The following R3HDM1 variants were observed in gnomAD, a reference collection of about 807,000 sequenced individuals.
R3HDM1 encodes the protein R3H domain containing 1.
In R3HDM1, 46 loss-of-function variants were observed where a neutral mutation model predicts 141.1. That is an observed-to-expected ratio of 0.33 (90% CI 0.26 to 0.42). R3HDM1 has a LOEUF of 0.42. R3HDM1 is among the 10% of genes least tolerant of loss of function. The pLI is 1.00. For missense variants in R3HDM1, 1,184 were observed against 1,368.3 expected, an observed-to-expected ratio of 0.87 and a Z score of 2.12; for synonymous variants, 435 against 472.9, an observed-to-expected ratio of 0.92 and a Z score of 1.04.
At position 135,661,310 on chromosome 2, in the gene R3HDM1, G is replaced by A; in HGVS notation, c.2069G>A (p.Ser690Asn). Residue 690 changes from serine to asparagine, a missense_variant, in exon 19 of 27, where the codon AGC (serine) becomes AAC (asparagine). This residue lies in a region of R3HDM1 where 563 missense variants were observed against 562.0 expected (regional missense o/e 1.00). Coordinates refer to ENST00000683871, the MANE Select transcript of R3HDM1 (RefSeq NM_001378107.1). ...CYCAPGHYHSSQPQYRPVPSV... is the reference protein window; with the variant it reads ...CYCAPGHYHSNQPQYRPVPSV... ...TGCGCTCCAGGCCACTATCACTCCA[G>A]CCAACCTCAGTATCGCCCAGTCCCT... 1.2e-6 allele frequency: 2 copies of A among 1,613,952 alleles called. No homozygotes were observed. The highest frequency in any genetic ancestry group is 1.7e-6 in the Non-Finnish European group (2 of 1,179,868).
intron 1 of R3HDM1, among the ~76,000 whole-genome samples, chr2:135,589,426 G>T (rs1341168138): frequency 6.6e-6 from 1 of 152,152 alleles, no homozygotes; most frequent in Non-Finnish European, 1.5e-5. Flanking sequence ...CCCTCTGGTT[G>T]TAGGGGACAA....
chr2:135,675,138 T>G (rs907683291), intron 19 of R3HDM1, among the ~76,000 whole-genome samples, 194 bp from the exon 20 acceptor site: 5 of 152,204 alleles, frequency 3.3e-5, no homozygotes, highest in African/African-American at 1.2e-4. Context: ...GCAGATTTTA[T>G]TTCAATATAT....
rs2069013501 is a variant in R3HDM1 at position 135,675,463 on chromosome 2, T to C, written c.2284T>C (p.Tyr762His). The C allele has an allele frequency of 3.7e-6, 6 of 1,613,790 alleles. No individual in the cohort carries two copies. The East Asian group carries it at 1.1e-4, about 30-fold the overall frequency. The change falls in exon 20 of 27, where the codon TAT becomes CAT. Residue 762 changes from tyrosine to histidine, a missense_variant. Physicochemically the swap from Tyr to His is moderately conservative, Grantham distance 83. This residue lies in a region of R3HDM1 where 563 missense variants were observed against 562.0 expected (regional missense o/e 1.00). Coordinates refer to ENST00000683871, the MANE Select transcript of R3HDM1 (RefSeq NM_001378107.1). ...TCAGATTCAAGGAGTGGTCATCCCC[T>C]ATACTTCAGTGCCAACATATCAGGT... ...GNQIQGVVIP[Y>H]TSVPTYQVSL...
chr2:135,667,742 C>G (rs138257612), intron 19 of R3HDM1: 4 of 982,454 alleles, frequency 4.1e-6, no homozygotes, highest in African/African-American at 1.8e-5. Flanking sequence ...TAATCCTCAG[C>G]CTTCTCCCTC....
intron 1 of R3HDM1, among the ~76,000 whole-genome samples, chr2:135,535,906 G>T (rs928999181): frequency 2.0e-5 from 3 of 151,970 alleles, no homozygotes; most frequent in Admixed American, 1.3e-4. Context: ...CAGCAATTTG[G>T]TTTTTTTATA....
intron 1 of R3HDM1, among the ~76,000 whole-genome samples, chr2:135,574,667 T>C (rs1391958831): frequency 6.6e-6 from 1 of 152,230 alleles, no homozygotes; most frequent in Non-Finnish European, 1.5e-5. Context: ...GCTGGCTTAA[T>C]GTTAGGATAC....
At position 135,557,192 on chromosome 2, in the gene R3HDM1, A is replaced by G. The variant is rs143043757; in HGVS notation, c.-250+25559A>G. Among the ~76,000 whole-genome samples the G allele has an allele frequency of 3.0e-3, 451 of 152,284 alleles. 3 individuals carry two copies. The highest frequency in any genetic ancestry group is 0.01 in the African/African-American group (420 of 41,564). On this transcript the variant is annotated intron_variant, in intron 1 of 26. Coordinates refer to ENST00000683871, the MANE Select transcript of R3HDM1 (RefSeq NM_001378107.1). ...GTGGTTCTACTTACTCTACGGTGGTAATTAGCAATTTAGTAACCTTAAGGA... is the reference window on the plus strand; with the variant it reads ...GTGGTTCTACTTACTCTACGGTGGTGATTAGCAATTTAGTAACCTTAAGGA...
At chr2:135,615,657 T>C (rs1040974404) in intron 3 of R3HDM1, among the ~76,000 whole-genome samples, 1 of 152,190 alleles carries the variant, frequency 6.6e-6, no homozygotes, top group Non-Finnish European at 1.5e-5. Context: ...GTGGTGTACT[T>C]TATACAGTGT....
intron 24 of R3HDM1, among the ~76,000 whole-genome samples, chr2:135,719,750 G>A (rs1394941121): frequency 1.3e-5 from 2 of 151,874 alleles, no homozygotes; most frequent in Non-Finnish European, 2.9e-5. Flanking sequence ...AATGTTCTCT[G>A]TATTCTGTTA....
At chr2:135,538,072 A>G (rs1696620690) in intron 1 of R3HDM1, among the ~76,000 whole-genome samples, 1 of 152,186 alleles carries the variant, frequency 6.6e-6, no homozygotes, top group African/African-American at 2.4e-5. Context: ...AACATCATGG[A>G]GTGTGCTTAC....
At chr2:135,638,108 AT>A (rs1261927903) in intron 11 of R3HDM1, among the ~76,000 whole-genome samples, 10 of 152,324 alleles carry the variant, frequency 6.6e-5, no homozygotes, top group Non-Finnish European at 8.8e-5. Context: ...TGCTCCTGTT[AT>A]ATAAAATGGG....
At chr2:135,587,377 A>G (rs1284003188) in intron 1 of R3HDM1, among the ~76,000 whole-genome samples, 2 of 152,128 alleles carry the variant, frequency 1.3e-5, no homozygotes, top group Admixed American at 6.6e-5. Flanking sequence ...TTCCCCCTCC[A>G]TTTACAAAAC....
chr2:135,626,552 C>T (rs945681194), intron 7 of R3HDM1, among the ~76,000 whole-genome samples: 1 of 152,046 alleles, frequency 6.6e-6, no homozygotes, highest in Admixed American at 6.6e-5. Flanking sequence ...CTCTCTAAAC[C>T]TGTGGGAAAG....
intron 3 of R3HDM1, among the ~76,000 whole-genome samples, chr2:135,614,180 T>C (rs2060802208): frequency 6.6e-6 from 1 of 152,182 alleles, no homozygotes; most frequent in Admixed American, 6.5e-5. Context: ...TTCCTTTATC[T>C]TTTCCTCATT....
chr2:135,696,234 T>C (rs1005736296), intron 21 of R3HDM1, among the ~76,000 whole-genome samples: 1 of 152,112 alleles, frequency 6.6e-6, no homozygotes, highest in East Asian at 1.9e-4. Context: ...AAAAAATATA[T>C]ATAAACCACA....
At chr2:135,648,894 C>G (rs560947378) in intron 16 of R3HDM1, among the ~76,000 whole-genome samples, 2 of 149,936 alleles carry the variant, frequency 1.3e-5, no homozygotes, top group Non-Finnish European at 2.9e-5. Context: ...ACTAGTTTCT[C>G]AGCTCCTAAC....
intron 21 of R3HDM1, among the ~76,000 whole-genome samples, chr2:135,689,316 T>A (rs572066709): frequency 6.6e-5 from 10 of 152,220 alleles, no homozygotes; most frequent in Non-Finnish European, 1.3e-4. Context: ...AAATCCAGTA[T>A]CCTGACATAA....
intron 1 of R3HDM1, among the ~76,000 whole-genome samples, chr2:135,545,057 T>C (rs937883353): frequency 6.6e-6 from 1 of 152,244 alleles, no homozygotes; most frequent in Non-Finnish European, 1.5e-5. Flanking sequence ...CCATAAATAC[T>C]GACCCAAATC....
intron 1 of R3HDM1, among the ~76,000 whole-genome samples, chr2:135,600,602 G>A (rs542765518): frequency 1.1e-4 from 16 of 152,288 alleles, no homozygotes; most frequent in South Asian, 8.3e-4. Flanking sequence ...AATATAACTG[G>A]CAGAGCTGGG....
Sources: gnomAD v4.1 joint callset for allele counts (sites outside exome capture counted in the v4.1 genomes callset) on GRCh38, gnomAD v4.1.1 for gene constraint, gnomAD v4.1.1 regional missense constraint, MANE v1.5 for transcripts, NCBI Gene and HGNC (gene_info 2026-07-23, HGNC 2026-07-21) for gene names.